Variants in PABPC4L observed in about 807,000 individuals in gnomAD.
PABPC4L encodes the protein poly(A) binding protein cytoplasmic 4 like, also known as polyadenylate-binding protein 4-like.
For missense variants in PABPC4L, 452 were observed against 451.4 expected, an observed-to-expected ratio of 1.00 and a Z score of -0.01; for synonymous variants, 169 against 164.1, an observed-to-expected ratio of 1.03 and a Z score of -0.23.
the PABPC4L span, among the ~76,000 whole-genome samples, chr4:134,170,874 G>A: frequency 6.6e-6 from 1 of 152,102 alleles, no homozygotes; most frequent in African/African-American, 2.4e-5. Context: ...TGGATCAAAT[G>A]GTACTTCTCT....
the PABPC4L span, among the ~76,000 whole-genome samples, chr4:133,958,870 C>G: frequency 4.6e-5 from 7 of 152,296 alleles, no homozygotes; most frequent in South Asian, 1.4e-3. Context: ...GGTGGAGACA[C>G]AGCCAAACCA....
At chr4:134,086,950 C>G in the PABPC4L span, among the ~76,000 whole-genome samples, 1 of 151,724 alleles carries the variant, frequency 6.6e-6, no homozygotes, top group Non-Finnish European at 1.5e-5. Context: ...TATCCCTCCC[C>G]CTTCCCCCCA....
the PABPC4L span, among the ~76,000 whole-genome samples, chr4:134,123,913 G>T: frequency 1.3e-5 from 2 of 151,948 alleles, no homozygotes; most frequent in Admixed American, 6.6e-5. Context: ...GGGTATACTG[G>T]TTATTGCATT....
At chr4:134,081,577 A>G in the PABPC4L span, among the ~76,000 whole-genome samples, 214 of 152,228 alleles carry the variant, frequency 1.4e-3, 2 homozygotes, top group African/African-American at 5.0e-3. Flanking sequence ...AAATACTTTT[A>G]TCAGTGCCTG....
chr4:134,128,156 G>C, the PABPC4L span, among the ~76,000 whole-genome samples: 1 of 152,064 alleles, frequency 6.6e-6, no homozygotes, highest in Admixed American at 6.6e-5. Context: ...AAGAAATTTG[G>C]GATTATGTTA....
At chr4:134,080,078 T>C in the PABPC4L span, among the ~76,000 whole-genome samples, 1 of 152,160 alleles carries the variant, frequency 6.6e-6, no homozygotes, top group Non-Finnish European at 1.5e-5. Context: ...TGAATATTGC[T>C]GGAAATAATA....
At chr4:134,017,596 C>A in the PABPC4L span, among the ~76,000 whole-genome samples, 4 of 152,176 alleles carry the variant, frequency 2.6e-5, no homozygotes, top group Non-Finnish European at 5.9e-5. Context: ...GCTGGCAGGA[C>A]TATGCTGAAT....
chr4:134,002,099 T>A, the PABPC4L span, among the ~76,000 whole-genome samples: 17 of 143,058 alleles, frequency 1.2e-4, no homozygotes, highest in Non-Finnish European at 2.2e-4. Flanking sequence ...TTCTCCAATA[T>A]GTGGCTTCTT....
chr4:133,981,526 A>T, the PABPC4L span, among the ~76,000 whole-genome samples: 1 of 151,416 alleles, frequency 6.6e-6, no homozygotes, highest in Admixed American at 6.6e-5. Context: ...TATTTAGCAG[A>T]ATCAGCACTT....
At chr4:134,143,346 ATAT>A in the PABPC4L span, among the ~76,000 whole-genome samples, 1 of 150,160 alleles carries the variant, frequency 6.7e-6, no homozygotes, top group Non-Finnish European at 1.5e-5. Context: ...CCACAAATAC[ATAT>A]TATGTAATAT....
At chr4:134,173,971 C>G in the PABPC4L span, among the ~76,000 whole-genome samples, 1 of 152,158 alleles carries the variant, frequency 6.6e-6, no homozygotes, top group Admixed American at 6.5e-5. Flanking sequence ...CAGCTTAAAA[C>G]ACAAACACAT....
At chr4:134,131,111 AT>A in the PABPC4L span, among the ~76,000 whole-genome samples, 1 of 152,132 alleles carries the variant, frequency 6.6e-6, no homozygotes, top group Admixed American at 6.6e-5. Flanking sequence ...AGTTGAAAGC[AT>A]CCCCCCTGAG....
the PABPC4L span, among the ~76,000 whole-genome samples, chr4:133,994,933 C>T: frequency 1.3e-5 from 2 of 152,162 alleles, no homozygotes; most frequent in African/African-American, 4.8e-5. Context: ...CAGTGGGCCC[C>T]AGATCCCGGT....
At chr4:134,179,845 G>C in the PABPC4L span, among the ~76,000 whole-genome samples, 2 of 151,970 alleles carry the variant, frequency 1.3e-5, no homozygotes, top group African/African-American at 4.8e-5. Flanking sequence ...TAACTATCCT[G>C]CACATATACA....
the PABPC4L span, among the ~76,000 whole-genome samples, chr4:134,131,370 C>A: frequency 6.6e-6 from 1 of 151,684 alleles, no homozygotes; most frequent in African/African-American, 2.4e-5. Context: ...ATTAATGTAC[C>A]CAAATTAGTA....
At chr4:134,185,895 A>C in the PABPC4L span, among the ~76,000 whole-genome samples, 2 of 151,858 alleles carry the variant, frequency 1.3e-5, no homozygotes, top group African/African-American at 4.8e-5. Context: ...ACCAATAACA[A>C]ACAAACAGAG....
chr4:134,177,206 C>T, the PABPC4L span, among the ~76,000 whole-genome samples: 7 of 133,486 alleles, frequency 5.2e-5, no homozygotes, highest in Non-Finnish European at 7.8e-5. Flanking sequence ...TTTTTTTAGA[C>T]GTAGTCTAGC....
chr4:134,088,875 G>C, the PABPC4L span, among the ~76,000 whole-genome samples: 2 of 152,018 alleles, frequency 1.3e-5, no homozygotes, highest in African/African-American at 4.8e-5. Flanking sequence ...TTATTACATA[G>C]GCTTGATAAA....
At chr4:133,991,145 T>A in the PABPC4L span, among the ~76,000 whole-genome samples, 1 of 152,118 alleles carries the variant, frequency 6.6e-6, no homozygotes, top group Non-Finnish European at 1.5e-5. Flanking sequence ...CAAACATGAG[T>A]ATAATCAGCA....
Sources: allele counts gnomAD v4.1 joint callset (sites outside exome capture counted in the v4.1 genomes callset), GRCh38; gene constraint gnomAD v4.1.1; transcripts MANE v1.5; gene names NCBI Gene and HGNC (gene_info 2026-07-23, HGNC 2026-07-21).